GRM7: variants seen among roughly 807,000 people sequenced by gnomAD.
GRM7 encodes metabotropic glutamate receptor 7.
GRM7 carries 35 observed loss-of-function variants against 84.5 expected under a neutral mutation model. The ratio of observed to expected loss-of-function variants is 0.41; its 90% CI spans 0.32 to 0.55. GRM7 has a LOEUF of 0.55. GRM7 is among the 20% of genes least tolerant of loss of function. The pLI, the probability that GRM7 is intolerant of heterozygous loss-of-function variation, is 0.19. For synonymous variants in GRM7, 487 were observed against 455.1 expected, an observed-to-expected ratio of 1.07 and a Z score of -0.89; for missense variants, 1,003 against 1,194.6, an observed-to-expected ratio of 0.84 and a Z score of 2.36.
intron 9 of GRM7, among the ~76,000 whole-genome samples, chr3:7,739,796 T>G (rs1176554086): frequency 1.3e-5 from 2 of 152,190 alleles, no homozygotes; most frequent in East Asian, 3.8e-4. Context: ...CCTGACAGGT[T>G]TAAGTGAGCT....
intron 4 of GRM7, among the ~76,000 whole-genome samples, chr3:7,376,026 AGAT>A (rs1278956161): frequency 4.6e-5 from 7 of 152,228 alleles, no homozygotes; most frequent in Admixed American, 4.6e-4. Flanking sequence ...CTTATTGAGT[AGAT>A]GATATTGTCC....
chr3:7,365,473 C>T (rs1693838592), intron 4 of GRM7, among the ~76,000 whole-genome samples: 1 of 151,564 alleles, frequency 6.6e-6, no homozygotes, highest in Non-Finnish European at 1.5e-5. Context: ...TTCCAGTTCA[C>T]TGATTATCTC....
intron 1 of GRM7, among the ~76,000 whole-genome samples, chr3:6,888,006 T>G (rs1014709466): frequency 1.3e-5 from 2 of 152,206 alleles, no homozygotes; most frequent in African/African-American, 4.8e-5. Flanking sequence ...TTTTCATGTG[T>G]TTTTTGGCTG....
intron 7 of GRM7, among the ~76,000 whole-genome samples, chr3:7,535,881 C>T (rs1436674447): frequency 6.6e-6 from 1 of 152,170 alleles, no homozygotes; most frequent in Non-Finnish European, 1.5e-5. Flanking sequence ...AAAGCATCAT[C>T]CCACAAGGAC....
At chr3:7,193,860 T>A (rs1313361453) in intron 2 of GRM7, among the ~76,000 whole-genome samples, 1 of 152,098 alleles carries the variant, frequency 6.6e-6, no homozygotes, top group Non-Finnish European at 1.5e-5. Context: ...GGAAGAAACC[T>A]TGTAGCACCA....
At chr3:7,129,239 T>C (rs1307146443) in intron 1 of GRM7, among the ~76,000 whole-genome samples, 1 of 152,204 alleles carries the variant, frequency 6.6e-6, no homozygotes, top group Non-Finnish European at 1.5e-5. Flanking sequence ...TATTGCCTAC[T>C]TACTTTGTCT....
At chr3:7,473,494 GAGAGA>G (rs1698793108) in intron 7 of GRM7, among the ~76,000 whole-genome samples, 4 of 64,164 alleles carry the variant, frequency 6.2e-5, no homozygotes, top group Non-Finnish European at 1.3e-4. Context: ...GAGAGGGAGA[GAGAGA>G]GAGAGAGAGA....
At chr3:7,535,380 T>C (rs920246708) in intron 7 of GRM7, 9 of 152,174 alleles carry the variant, frequency 5.9e-5, no homozygotes, top group East Asian at 3.9e-4. Flanking sequence ...ACCAAGAGGA[T>C]TGATTGCTTT....
intron 2 of GRM7, among the ~76,000 whole-genome samples, chr3:7,268,581 C>T (rs1698735359): frequency 6.6e-6 from 1 of 152,182 alleles, no homozygotes; most frequent in South Asian, 2.1e-4. Flanking sequence ...ACTCCAGAAT[C>T]AGGGAACACC....
intron 2 of GRM7, among the ~76,000 whole-genome samples, chr3:7,268,909 A>G (rs187851766): frequency 8.5e-5 from 13 of 152,320 alleles, no homozygotes; most frequent in East Asian, 3.9e-4. Flanking sequence ...GTCCAAACCA[A>G]TGGCCTCCTA....
At chr3:7,130,310 G>T (rs1485242002) in intron 1 of GRM7, among the ~76,000 whole-genome samples, 1 of 152,156 alleles carries the variant, frequency 6.6e-6, no homozygotes, top group Non-Finnish European at 1.5e-5. Flanking sequence ...TTGGGAGACC[G>T]AGGTGGGCGA....
chr3:7,165,650 T>C (rs762399261), intron 2 of GRM7, among the ~76,000 whole-genome samples: 4 of 152,232 alleles, frequency 2.6e-5, no homozygotes, highest in Non-Finnish European at 5.9e-5. Context: ...ATACTAGGAC[T>C]TAAATACTTA....
intron 1 of GRM7, among the ~76,000 whole-genome samples, chr3:7,066,771 T>A (rs1394921573): frequency 1.3e-5 from 2 of 151,958 alleles, no homozygotes; most frequent in Non-Finnish European, 2.9e-5. Flanking sequence ...GCTAAAATCC[T>A]TAACAAAATA....
chr3:7,364,139 G>A (rs539734588), intron 4 of GRM7, among the ~76,000 whole-genome samples: 82 of 151,726 alleles, frequency 5.4e-4, no homozygotes, highest in African/African-American at 2.0e-3. Flanking sequence ...TTTGTTTTTT[G>A]TTTTATTCCT....
At chr3:7,506,765 A>G (rs1481453757) in intron 7 of GRM7, among the ~76,000 whole-genome samples, 5 of 152,150 alleles carry the variant, frequency 3.3e-5, no homozygotes, top group Admixed American at 3.3e-4. Flanking sequence ...TTTCCCAGAT[A>G]ATAAACCCTG....
intron 9 of GRM7, among the ~76,000 whole-genome samples, chr3:7,716,664 C>G (rs1385281100): frequency 1.3e-5 from 2 of 152,156 alleles, no homozygotes; most frequent in Non-Finnish European, 2.9e-5. Flanking sequence ...ACATCCTACT[C>G]CCATGGGTTG....
chr3:7,665,273 G>A (rs925697823), intron 8 of GRM7, among the ~76,000 whole-genome samples: 3 of 148,354 alleles, frequency 2.0e-5, no homozygotes, highest in Non-Finnish European at 4.4e-5. Flanking sequence ...CCGGGTTCAC[G>A]CCATTCTCCT....
chr3:7,329,677 T>C (rs928375414), intron 4 of GRM7, among the ~76,000 whole-genome samples: 1 of 152,180 alleles, frequency 6.6e-6, no homozygotes, highest in African/African-American at 2.4e-5. Context: ...CTTAAAAGTA[T>C]ACCTGGTGTG....
At chr3:7,533,887 C>T (rs570863681) in intron 7 of GRM7, among the ~76,000 whole-genome samples, 6 of 152,200 alleles carry the variant, frequency 3.9e-5, no homozygotes, top group African/African-American at 1.4e-4. Flanking sequence ...TTTTTCCTTA[C>T]TGATTTACTA....
Sources: gnomAD v4.1 joint callset for allele counts (sites outside exome capture counted in the v4.1 genomes callset) on GRCh38, gnomAD v4.1.1 for gene constraint, MANE v1.5 for transcripts, NCBI Gene and HGNC (gene_info 2026-07-23, HGNC 2026-07-21) for gene names.